RFK: variants seen among roughly 807,000 people sequenced by gnomAD.
RFK encodes 0610038L10Rik.
A neutral mutation model predicts 17.6 loss-of-function variants in RFK; 4 were observed. The ratio of observed to expected loss-of-function variants is 0.23; its 90% CI spans 0.11 to 0.52. The LOEUF is 0.52. RFK is among the 20% of genes least tolerant of loss of function. RFK has a pLI of 0.96. For missense variants in RFK, 189 were observed against 187.7 expected (o/e 1.01, Z -0.04); for synonymous variants, 59 against 63.8 (o/e 0.92, Z 0.36).
chr9:76,388,343 T>C (rs1184563169), intron 3 of RFK: 4 of 642,798 alleles, frequency 6.2e-6, no homozygotes, highest in Non-Finnish European at 1.1e-5. Context: ...TGTTACTTAA[T>C]CTCTCTGTGC....
Position 76,390,202 on chromosome 9 carries a change from T to C in RFK, c.235-1546A>G, listed in dbSNP as rs181426704. ...AAAAAAATATTAATTTAAATCCCTA[T>C]CAGATACCATACTAAAAAAGTCAAT... On this transcript the variant is annotated intron_variant, in intron 2 of 3. Transcript: ENST00000376736. 2.0e-5 allele frequency among the ~76,000 whole-genome samples: 3 copies of C among 152,248 alleles called. No individual in the cohort carries two copies. The East Asian group carries it at 5.8e-4, about 29-fold the overall frequency.
chr9:76,391,386 A>C (rs1006739706), intron 2 of RFK, among the ~76,000 whole-genome samples: 4 of 152,258 alleles, frequency 2.6e-5, no homozygotes, highest in African/African-American at 7.2e-5. Context: ...TCCTGTAAAG[A>C]GTAGGGCAGA....
At chr9:76,389,601 A>G (rs1050411749) in intron 2 of RFK, among the ~76,000 whole-genome samples, 2 of 152,058 alleles carry the variant, frequency 1.3e-5, no homozygotes, top group Non-Finnish European at 2.9e-5. Flanking sequence ...ACTCTACTAA[A>G]AACACAAAAA....
chr9:76,390,491 TC>T (rs1238196969), intron 2 of RFK, among the ~76,000 whole-genome samples: 3 of 151,854 alleles, frequency 2.0e-5, no homozygotes, highest in African/African-American at 7.3e-5. Flanking sequence ...TGCTGAAATC[TC>T]ATCTCTATAA....
rs768481179 is a variant in RFK, at chr9:76,392,445, T to C, written c.207A>G (p.Pro69=). The C allele has an allele frequency of 2.4e-5, 39 of 1,614,098 alleles. No individual in the cohort carries two copies. The highest frequency in any genetic ancestry group is 2.8e-5 in the Non-Finnish European group (33 of 1,180,044). Residue 69 remains proline, a synonymous_variant, in exon 2 of 4, where the codon CCA becomes CCG. Transcript: ENST00000376736. ...HKMVVSIGWN[P]YYKNTKKSME... ...TAGACTTCTTCGTATTCTTGTAATA[T>C]GGGTTCCATCCTATGCTCACCACCA...
Position 76,392,543 on chromosome 9 carries a change from T to C in RFK, c.109A>G (p.Asn37Asp), listed in dbSNP as rs1329762819. 5 of 1,614,148 alleles carry C rather than the reference T, an allele frequency of 3.1e-6. No individual in the cohort carries two copies. Among genetic ancestry groups the C allele is most frequent in the Non-Finnish European group, 4.2e-6 (5 of 1,179,994 alleles). Residue 37 changes from asparagine (N) to aspartate (D), a missense_variant, in exon 2 of 4, where the codon AAT becomes GAT. This residue lies in a region of RFK where 90 missense variants were observed against 75.4 expected (regional missense o/e 1.19). Coordinates refer to ENST00000376736, the MANE Select transcript of RFK (RefSeq NM_018339.6). The stretch of plus-strand genomic sequence containing the variant: ...CCAGTGGATATATCAGCTGGAAGAT[T>C]ATCTACCACTTGCTCAGGAAAATTA... ...TANFPEQVVD[N>D]LPADISTGIY...
At chr9:76,392,141 C>T (rs1159137277) in intron 2 of RFK, among the ~76,000 whole-genome samples, 1 of 151,986 alleles carries the variant, frequency 6.6e-6, no homozygotes, top group Non-Finnish European at 1.5e-5. Context: ...AAAAAGCACA[C>T]TACCACAAAA....
In RFK at chr9:76,394,221, G is replaced by A. The variant is rs767635153; in HGVS notation, c.-50C>T. 3 of 1,539,972 alleles carry A rather than the reference G, an allele frequency of 1.9e-6. No individual in the cohort carries two copies. Among genetic ancestry groups the A allele is most frequent in the South Asian group, 2.4e-5 (2 of 83,268 alleles). On this transcript the variant is annotated 5_prime_UTR_variant, in exon 1 of 4. Transcript: ENST00000376736. ...CTGCGGCCCGGTCTGCGCGTCCTGC[G>A]GAGCCGCCGTCGACGCGGCGCCCAG...
chr9:76,394,027 CT>C lies in RFK; in HGVS notation c.82+62del. ...CCACGCCCCGGTCCCAAGTCCCCGG[CT>C]GCCGTCTCTCCCCGCTCCCCACGTG... is the stretch of plus-strand genomic sequence containing the variant. On this transcript the variant is annotated intron_variant, in intron 1 of 3. Coordinates refer to ENST00000376736, the MANE Select transcript of RFK (RefSeq NM_018339.6). 2.7e-6 allele frequency: 4 copies of C among 1,488,422 alleles called. No individual in the cohort carries two copies. The South Asian group carries it at 4.9e-5, about 18-fold the overall frequency. The allele number at this position is 1,488,422 out of a possible 1,614,324, so 92.2% of individuals were successfully genotyped here. A position where few individuals can be genotyped will look rare whatever the true frequency, so the allele number is the denominator to read the frequency against.
chr9:76,390,826 C>T (rs1431288674), intron 2 of RFK, among the ~76,000 whole-genome samples: 1 of 141,232 alleles, frequency 7.1e-6, no homozygotes, highest in Non-Finnish European at 1.5e-5. Flanking sequence ...TATTTAAGGT[C>T]AGTAAGATAA....
rs1312898837 is a variant in RFK at position 76,394,174 on chromosome 9, T to G, written c.-3A>C. On this transcript the variant is annotated 5_prime_UTR_variant, in exon 1 of 4. Transcript: ENST00000376736. ...CAGAAGTAAGGCAGGTGCCTCATAA[T>G]GCAGTCCGCTCGGGGAATGGGCTGC... 6.3e-6 allele frequency: 10 copies of G among 1,598,970 alleles called. No homozygotes were observed. The highest frequency in any genetic ancestry group is 8.5e-6 in the Non-Finnish European group (10 of 1,174,066).
Position 76,394,253 on chromosome 9 carries a change from G to A in RFK, c.-82C>T. 7.1e-7 allele frequency: 1 copy of A among 1,410,486 alleles called. No individual in the cohort carries two copies. The highest frequency in any genetic ancestry group is 9.6e-7 in the Non-Finnish European group (1 of 1,038,044). The allele number at this position is 1,410,486 out of a possible 1,614,324, so 87.4% of individuals were successfully genotyped here. A position where few individuals can be genotyped will look rare whatever the true frequency, so the allele number is the denominator to read the frequency against. On this transcript the variant is annotated 5_prime_UTR_variant, in exon 1 of 4. Transcript: ENST00000376736. ...CCGTCGACGCGGCGCCCAGACCCCG[G>A]ACCAGCCGGGGGACAGGAGCGTGAG...
intron 3 of RFK, 167 bp from the exon 4 acceptor site, chr9:76,387,696 G>A (rs908619992): frequency 1.7e-6 from 1 of 592,150 alleles, no homozygotes; most frequent in Non-Finnish European, 2.9e-6. Context: ...TAAGTCAATG[G>A]TACACAAAAG....
Position 76,394,357 on chromosome 9 carries a change from C to A in RFK, c.-186G>T, listed in dbSNP as rs964949469. The A allele has an allele frequency of 1.5e-5, 8 of 522,684 alleles. No individual in the cohort carries two copies. Among genetic ancestry groups the A allele is most frequent in the Non-Finnish European group, 2.6e-5 (8 of 304,202 alleles). The allele number at this position is 522,684 out of a possible 1,614,324, so 32.4% of individuals were successfully genotyped here. ...CTGCGAATCCCTGACGCCGCCGACCCAACAAATACCGCCGGGCGCCTGAGG... is the reference window on the plus strand; with the variant it reads ...CTGCGAATCCCTGACGCCGCCGACCAAACAAATACCGCCGGGCGCCTGAGG... On this transcript the variant is annotated 5_prime_UTR_variant, in exon 1 of 4. Transcript: ENST00000376736.
chr9:76,389,843 GA>G (rs1224732178), intron 2 of RFK, among the ~76,000 whole-genome samples: 2 of 152,182 alleles, frequency 1.3e-5, no homozygotes, highest in Non-Finnish European at 2.9e-5. Context: ...ATTATTGAGA[GA>G]AATGGCAAAC....
intron 3 of RFK, chr9:76,388,126 A>C (rs1394997432): frequency 2.6e-6 from 1 of 380,872 alleles, no homozygotes; most frequent in Non-Finnish European, 5.1e-6. Context: ...TGGTATTTAC[A>C]CTTGTAAAAG....
At chr9:76,391,685 TTTA>T (rs1822822145) in intron 2 of RFK, among the ~76,000 whole-genome samples, 1 of 152,240 alleles carries the variant, frequency 6.6e-6, no homozygotes, top group Non-Finnish European at 1.5e-5. Context: ...AACTCCACTC[TTTA>T]TTTTCTACAT....
At position 76,392,552 on chromosome 9, in the gene RFK, C is replaced by T; in HGVS notation, c.100G>A (p.Val34Met). The change falls in exon 2 of 4, where the codon GTG (valine) becomes ATG (methionine). Residue 34 changes from valine (V) to methionine (M), a missense_variant. Val to Met is a conservative substitution (Grantham distance 21, BLOSUM62 1). This residue lies in a region of RFK where 90 missense variants were observed against 75.4 expected (regional missense o/e 1.19). Transcript: ENST00000376736. ...ATATCAGCTGGAAGATTATCTACCA[C>T]TTGCTCAGGAAAATTAGCTAAACAA... ...GIPTANFPEQVVDNLPADIST... is the reference protein window; with the variant it reads ...GIPTANFPEQMVDNLPADIST... The T allele has an allele frequency of 6.2e-7, 1 of 1,614,148 alleles. No homozygotes were observed. Among genetic ancestry groups the T allele is most frequent in the Non-Finnish European group, 8.5e-7 (1 of 1,180,014 alleles).
In RFK at chr9:76,387,254, A is replaced by C; in HGVS notation, c.*145T>G. On this transcript the variant is annotated 3_prime_UTR_variant, in exon 4 of 4. Coordinates refer to ENST00000376736, the MANE Select transcript of RFK (RefSeq NM_018339.6). ...GGCTTAATTTAATAGTTGAAGCATGATATGATAACAACATTGTACGGTTTA... is the reference window on the plus strand; with the variant it reads ...GGCTTAATTTAATAGTTGAAGCATGCTATGATAACAACATTGTACGGTTTA... The C allele has an allele frequency of 1.4e-6, 1 of 695,692 alleles. No individual in the cohort carries two copies. The highest frequency in any genetic ancestry group is 2.4e-6 in the Non-Finnish European group (1 of 418,560). The allele number at this position is 695,692 out of a possible 1,614,324, so 43.1% of individuals were successfully genotyped here.
Sources: gnomAD v4.1 joint callset for allele counts (sites outside exome capture counted in the v4.1 genomes callset) on GRCh38, gnomAD v4.1.1 for gene constraint, gnomAD v4.1.1 regional missense constraint, MANE v1.5 for transcripts, NCBI Gene and HGNC (gene_info 2026-07-23, HGNC 2026-07-21) for gene names.